Variants in MACROD2 observed in about 807,000 individuals in gnomAD.
The protein encoded by MACROD2 is mono-ADP ribosylhydrolase 2, also known as ADP-ribose glycohydrolase MACROD2.
In MACROD2, 36 loss-of-function variants were observed where a neutral mutation model predicts 70.4. The ratio of observed to expected loss-of-function variants is 0.51; its 90% CI spans 0.39 to 0.68. The LOEUF (loss-of-function observed/expected upper bound fraction) is 0.68. Ranked by LOEUF, MACROD2 falls within the 30% of genes least tolerant of loss-of-function variation. The pLI is 0.00. For synonymous variants in MACROD2, 172 were observed against 178.8 expected (o/e 0.96, Z 0.30); for missense variants, 496 against 538.4 (o/e 0.92, Z 0.78).
intron 3 of MACROD2, among the ~76,000 whole-genome samples, chr20:14,355,543 G>A (rs2083164088): frequency 6.6e-6 from 1 of 151,366 alleles, no homozygotes; most frequent in Admixed American, 6.6e-5. Context: ...TATCTATGGA[G>A]AGAATTATTT....
chr20:14,030,993 G>T (rs1283858520), intron 2 of MACROD2, among the ~76,000 whole-genome samples: 2 of 152,118 alleles, frequency 1.3e-5, no homozygotes, highest in Non-Finnish European at 2.9e-5. Context: ...TAGATATCAG[G>T]TTATCCATGA....
chr20:15,484,205 G>T (rs555516313), intron 7 of MACROD2, among the ~76,000 whole-genome samples: 60 of 151,764 alleles, frequency 4.0e-4, no homozygotes, highest in Non-Finnish European at 7.5e-4. Context: ...TCAAACTTTT[G>T]CTTTTTTCTT....
intron 12 of MACROD2, among the ~76,000 whole-genome samples, chr20:15,943,349 A>G (rs972375436): frequency 3.3e-5 from 5 of 152,172 alleles, no homozygotes; most frequent in Non-Finnish European, 5.9e-5. Flanking sequence ...GAGACTCTCC[A>G]GGCTAATTTT....
chr20:15,875,983 A>G (rs1172035917), intron 9 of MACROD2, among the ~76,000 whole-genome samples: 1 of 151,496 alleles, frequency 6.6e-6, no homozygotes, highest in East Asian at 1.9e-4. Context: ...TTAAGAAGGC[A>G]CAGAAGTAAG....
At chr20:15,210,849 C>A (rs1276693805) in intron 5 of MACROD2, among the ~76,000 whole-genome samples, 1 of 152,276 alleles carries the variant, frequency 6.6e-6, no homozygotes, top group South Asian at 2.1e-4. Flanking sequence ...GTTTCTGGAG[C>A]CCTCCAAGCC....
intron 6 of MACROD2, among the ~76,000 whole-genome samples, chr20:15,429,900 C>T (rs777722628): frequency 2.0e-5 from 3 of 151,826 alleles, no homozygotes; most frequent in Admixed American, 6.6e-5. Context: ...TATACTGTAC[C>T]CTTCAGGTAG....
chr20:14,537,308 A>G (rs544295401), intron 4 of MACROD2, among the ~76,000 whole-genome samples: 1 of 152,272 alleles, frequency 6.6e-6, no homozygotes, highest in East Asian at 1.9e-4. Flanking sequence ...AGGCAGCTTT[A>G]AAAAAAGGAT....
chr20:14,632,181 T>C (rs1221222456), intron 4 of MACROD2, among the ~76,000 whole-genome samples: 2 of 152,134 alleles, frequency 1.3e-5, no homozygotes, highest in African/African-American at 2.4e-5. Flanking sequence ...CTTCTCTTTC[T>C]ATTAAGGGTG....
intron 5 of MACROD2, among the ~76,000 whole-genome samples, chr20:14,918,290 G>T (rs1333986974): frequency 1.3e-5 from 2 of 152,124 alleles, no homozygotes. Context: ...TTTTCATGAT[G>T]AGAAAGACTT....
chr20:15,648,719 G>GTGGATGGATGGA (rs200374076), intron 8 of MACROD2, among the ~76,000 whole-genome samples: 11 of 151,562 alleles, frequency 7.3e-5, no homozygotes, highest in African/African-American at 2.4e-4. Flanking sequence ...TGGATGGATG[G>GTGGATGGATGGA]TGGATGGATG....
chr20:14,020,378 C>T (rs1458226497), intron 2 of MACROD2, among the ~76,000 whole-genome samples: 2 of 152,136 alleles, frequency 1.3e-5, no homozygotes, highest in African/African-American at 4.8e-5. Flanking sequence ...GAGGCTGAGG[C>T]AGGGGAATCA....
At chr20:15,154,116 A>C (rs1225114401) in intron 5 of MACROD2, among the ~76,000 whole-genome samples, 3 of 152,172 alleles carry the variant, frequency 2.0e-5, no homozygotes, top group African/African-American at 7.2e-5. Flanking sequence ...GGCCATGAAG[A>C]ATCCTGCTTT....
intron 5 of MACROD2, among the ~76,000 whole-genome samples, chr20:14,947,276 T>A (rs2074440446): frequency 6.6e-6 from 1 of 152,138 alleles, no homozygotes. Flanking sequence ...TCTGGCTTTG[T>A]TATAGAGGCA....
intron 5 of MACROD2, among the ~76,000 whole-genome samples, chr20:14,987,693 A>G (rs2074862019): frequency 6.6e-6 from 1 of 152,166 alleles, no homozygotes; most frequent in Non-Finnish European, 1.5e-5. Flanking sequence ...GACACATTTC[A>G]TAGTTTTTGT....
chr20:14,839,270 T>G (rs1053430015), intron 5 of MACROD2, among the ~76,000 whole-genome samples: 1 of 152,130 alleles, frequency 6.6e-6, no homozygotes, highest in African/African-American at 2.4e-5. Context: ...GCATTTCCCT[T>G]TGTGATTTTG....
intron 3 of MACROD2, among the ~76,000 whole-genome samples, chr20:14,356,494 CTTTCT>C (rs1390354799): frequency 6.1e-5 from 8 of 130,438 alleles, no homozygotes; most frequent in Non-Finnish European, 9.6e-5. Flanking sequence ...GGAGGATCTA[CTTTCT>C]TTTTTTTTTT....
chr20:16,043,695 G>A (rs1195549691), intron 16 of MACROD2, among the ~76,000 whole-genome samples: 1 of 152,004 alleles, frequency 6.6e-6, no homozygotes, highest in Non-Finnish European at 1.5e-5. Flanking sequence ...TAATTTCATG[G>A]CCGCTCACTG....
At chr20:14,231,233 A>T (rs2081809279) in intron 3 of MACROD2, among the ~76,000 whole-genome samples, 1 of 151,734 alleles carries the variant, frequency 6.6e-6, no homozygotes, top group Non-Finnish European at 1.5e-5. Context: ...GGTGTGCTGC[A>T]CCCATTAACT....
chr20:15,986,611 C>A, intron 13 of MACROD2, 116 bp from the exon 14 acceptor site: 2 of 567,312 alleles, frequency 3.5e-6, no homozygotes, highest in Non-Finnish European at 5.9e-6. Context: ...CCTTTGGTTT[C>A]AAAACTGTTC....
Sources: allele counts gnomAD v4.1 joint callset (sites outside exome capture counted in the v4.1 genomes callset), GRCh38; gene constraint gnomAD v4.1.1; transcripts MANE v1.5; gene names NCBI Gene and HGNC (gene_info 2026-07-23, HGNC 2026-07-21).